SULT6B1: variants seen among roughly 807,000 people sequenced by gnomAD.
SULT6B1 encodes sulfotransferase 6B1.
In SULT6B1, 44 loss-of-function variants were observed where a neutral mutation model predicts 37.2. The ratio of observed to expected loss-of-function variants is 1.18; its 90% CI spans 0.93 to 1.52. The LOEUF (loss-of-function observed/expected upper bound fraction) is 1.52. Ranked by LOEUF, SULT6B1 falls within the 40% of genes most tolerant of loss-of-function variation. SULT6B1 has a pLI of 0.00. For synonymous variants in SULT6B1, 140 were observed against 126.0 expected (o/e 1.11, Z -0.74); for missense variants, 450 against 361.0 (o/e 1.25, Z -2.00).
chr2:37,182,840 T>C (rs1308566236), intron 3 of SULT6B1, among the ~76,000 whole-genome samples: 1 of 152,122 alleles, frequency 6.6e-6, no homozygotes, highest in East Asian at 1.9e-4. Context: ...GCACATATAG[T>C]TCTGTATGCA....
At chr2:37,185,752 T>G (rs115497288) in intron 2 of SULT6B1, among the ~76,000 whole-genome samples, 3,407 of 145,714 alleles carry the variant, frequency 0.023, 66 homozygotes, top group Middle Eastern at 0.062. Flanking sequence ...GAGAGAGAAA[T>G]TGAAATCTGG....
At chr2:37,195,258 T>A (rs940106448) in intron 1 of SULT6B1, among the ~76,000 whole-genome samples, 1 of 152,124 alleles carries the variant, frequency 6.6e-6, no homozygotes, top group African/African-American at 2.4e-5. Context: ...CCCCAATAGC[T>A]TTTTCATCTT....
intron 3 of SULT6B1, 68 bp downstream of exon 3, chr2:37,183,357 T>A: frequency 2.4e-6 from 3 of 1,224,862 alleles, no homozygotes; most frequent in Non-Finnish European, 3.5e-6. Context: ...AAACTCATGA[T>A]CTACTTCCAA....
chr2:37,190,748 G>T (rs1033711142), upstream of SULT6B1, among the ~76,000 whole-genome samples: 2 of 152,124 alleles, frequency 1.3e-5, no homozygotes, highest in African/African-American at 4.8e-5. Context: ...ATTTGGGAGT[G>T]GTACAGGATG....
intron 2 of SULT6B1, among the ~76,000 whole-genome samples, chr2:37,184,871 C>A (rs905140024): frequency 2.3e-4 from 35 of 149,832 alleles, no homozygotes; most frequent in African/African-American, 7.6e-4. Flanking sequence ...GATCTCAACT[C>A]AAGCAAGGGG....
chr2:37,185,792 T>G (rs11895771), intron 2 of SULT6B1, among the ~76,000 whole-genome samples: 40,929 of 150,246 alleles, frequency 0.27, 6,682 homozygotes, highest in East Asian at 0.79. Context: ...CTAAAGGTGA[T>G]GTTAAGCACT....
At position 37,171,301 on chromosome 2, in the gene SULT6B1, T is replaced by A; in HGVS notation, c.781+133A>T. On this transcript the variant is annotated intron_variant, in intron 6 of 6. Transcript: ENST00000535679. ...CTGCCAGTTACAGCTCTGGAGAGCCTGTGTCCAGACCTCTTACTGAGGCGG... is the reference window on the plus strand; with the variant it reads ...CTGCCAGTTACAGCTCTGGAGAGCCAGTGTCCAGACCTCTTACTGAGGCGG... 3.9e-6 allele frequency: 4 copies of A among 1,031,106 alleles called. No individual in the cohort carries two copies. The South Asian group carries it at 6.0e-5, about 15-fold the overall frequency. The allele number at this position is 1,031,106 out of a possible 1,614,324, so 63.9% of individuals were successfully genotyped here.
upstream of SULT6B1, among the ~76,000 whole-genome samples, chr2:37,192,675 TC>T (rs1300584420): frequency 2.0e-5 from 3 of 152,232 alleles, no homozygotes; most frequent in African/African-American, 7.2e-5. Context: ...AGTCTTTGTT[TC>T]CCTCTGGTCA....
intron 4 of SULT6B1, among the ~76,000 whole-genome samples, chr2:37,178,852 A>G (rs920831940): frequency 6.6e-5 from 10 of 152,222 alleles, no homozygotes; most frequent in Admixed American, 3.3e-4. Context: ...TTCACTAGAA[A>G]TGGTTTTCTA....
chr2:37,180,968 T>A (rs1458813849), intron 3 of SULT6B1, among the ~76,000 whole-genome samples: 1 of 152,196 alleles, frequency 6.6e-6, no homozygotes, highest in Admixed American at 6.5e-5. Context: ...TAATAAGCCC[T>A]TCCACTCTCT....
chr2:37,167,944 G>A lies in SULT6B1; in HGVS notation c.903C>T (p.Cys301=), dbSNP rs1336965843. The A allele has an allele frequency of 6.3e-7, 1 of 1,587,678 alleles. No homozygotes were observed. The highest frequency in any genetic ancestry group is 1.2e-5 in the South Asian group (1 of 85,400). ...LGAKLKYESY[C]QG ...GCTGAATTGACTGGAATCAACCCTGGCAATATGATTCATACTTCAACTTTG... is the reference window on the plus strand; with the variant it reads ...GCTGAATTGACTGGAATCAACCCTGACAATATGATTCATACTTCAACTTTG... Residue 301 remains cysteine, a synonymous_variant, in exon 7 of 7, where the codon TGC becomes TGT. Transcript: ENST00000535679.
intron 6 of SULT6B1, among the ~76,000 whole-genome samples, chr2:37,169,701 G>A (rs1397477831): frequency 3.9e-5 from 6 of 152,052 alleles, no homozygotes; most frequent in Non-Finnish European, 8.8e-5. Flanking sequence ...CACCATCTTC[G>A]CCAGGCTGGT....
At chr2:37,173,426 G>C (rs1676348870) in intron 5 of SULT6B1, among the ~76,000 whole-genome samples, 1 of 152,090 alleles carries the variant, frequency 6.6e-6, no homozygotes, top group Admixed American at 6.5e-5. Flanking sequence ...GCACGGCTAT[G>C]TGTCAGTGAT....
At chr2:37,188,772 A>C (rs759763975), upstream of SULT6B1, 30 of 493,354 alleles carry the variant, frequency 6.1e-5, no homozygotes, top group Non-Finnish European at 1.0e-4. Context: ...ATTCTCATCC[A>C]CCCCTCCCTC....
chr2:37,189,063 C>G (rs1430107156), upstream of SULT6B1, among the ~76,000 whole-genome samples: 1 of 152,092 alleles, frequency 6.6e-6, no homozygotes, highest in Non-Finnish European at 1.5e-5. Context: ...TGAAAGGAAG[C>G]AATGGGATTG....
At chr2:37,170,866 A>T (rs193139832) in intron 6 of SULT6B1, among the ~76,000 whole-genome samples, 12 of 152,212 alleles carry the variant, frequency 7.9e-5, no homozygotes, top group Admixed American at 7.2e-4. Context: ...TGAACATAAT[A>T]GTTGAGCTTC....
At position 37,171,549 on chromosome 2, in the gene SULT6B1, T is replaced by C. The variant is rs1017740141; in HGVS notation, c.666A>G (p.Gly222=). 10 of 1,614,002 alleles carry C rather than the reference T, an allele frequency of 6.2e-6. No homozygotes were observed. Among genetic ancestry groups the C allele is most frequent in the Non-Finnish European group, 8.5e-6 (10 of 1,179,980 alleles). The change falls in exon 6 of 7, where the codon GGA becomes GGG. Residue 222 remains glycine (G), a synonymous_variant. Coordinates refer to ENST00000535679, the MANE Select transcript of SULT6B1 (RefSeq NM_001367551.1). The stretch of plus-strand genomic sequence containing the variant: ...GAATTTGCTCCCCAGTTAGAAAGAA[T>C]CCCAAGAACTCAGCAATCTGTTTTA... ...AGIKQIAEFL[G]FFLTGEQIQT...
chr2:37,183,518 A>T lies in SULT6B1; in HGVS notation c.313-4T>A, dbSNP rs1342823321. On this transcript the variant is annotated splice_region_variant and splice_polypyrimidine_tract_variant and intron_variant, in intron 2 of 6. Transcript: ENST00000535679. ...GTGATGGAAAGCCTTTCATTCTCTT[A>T]AAAATATACACAAAAAGGTGAAAAT... The T allele has an allele frequency of 6.2e-7, 1 of 1,610,402 alleles. No homozygotes were observed. Among genetic ancestry groups the T allele is most frequent in the East Asian group, 2.2e-5 (1 of 44,858 alleles).
upstream of SULT6B1, among the ~76,000 whole-genome samples, chr2:37,192,221 A>C (rs1676794094): frequency 1.3e-5 from 2 of 152,216 alleles, no homozygotes; most frequent in East Asian, 3.8e-4. Flanking sequence ...ATGCATTCCT[A>C]TTTCTGAAAT....
Sources: gnomAD v4.1 joint callset for allele counts (sites outside exome capture counted in the v4.1 genomes callset) on GRCh38, gnomAD v4.1.1 for gene constraint, MANE v1.5 for transcripts, NCBI Gene and HGNC (gene_info 2026-07-23, HGNC 2026-07-21) for gene names.